The following TRAPPC8 variants were observed in gnomAD, a reference collection of about 807,000 sequenced individuals.
The protein encoded by TRAPPC8 is general sporulation gene 1 homolog.
A neutral mutation model predicts 174.3 loss-of-function variants in TRAPPC8; 54 were observed. That is an observed-to-expected ratio of 0.31 (90% confidence interval 0.25 to 0.39). The LOEUF (loss-of-function observed/expected upper bound fraction) is 0.39, where lower values mean the gene tolerates loss of function less well. Among genes scored for constraint, TRAPPC8 ranks in the 10% least tolerant of loss-of-function variants. The probability of loss-of-function intolerance (pLI) is 1.00; values close to 1 mark genes in which losing one functional copy is unlikely to be tolerated. For synonymous variants in TRAPPC8, 630 were observed against 579.9 expected (o/e 1.09, Z -1.24); for missense variants, 1,531 against 1,699.1 (o/e 0.90, Z 1.74).
intron 2 of TRAPPC8, among the ~76,000 whole-genome samples, chr18:31,923,513 G>A (rs1429612225): frequency 2.6e-5 from 4 of 152,128 alleles, no homozygotes; most frequent in Non-Finnish European, 4.4e-5. Flanking sequence ...TGAATGAAAA[G>A]TATGCTGACT....
chr18:31,876,489 C>CAAAAAAAGAAAAA (rs2035153771), intron 12 of TRAPPC8, among the ~76,000 whole-genome samples: 1 of 48,722 alleles, frequency 2.1e-5, no homozygotes, highest in Non-Finnish European at 3.6e-5. Context: ...GACTCCATCT[C>CAAAAAAAGAAAAA]AAAAAAAAAA....
intron 2 of TRAPPC8, among the ~76,000 whole-genome samples, chr18:31,918,552 CACAAG>C (rs557782770): frequency 1.8e-4 from 28 of 152,206 alleles, no homozygotes; most frequent in Non-Finnish European, 2.8e-4. Flanking sequence ...CAAAACATCT[CACAAG>C]ACAAGACAAG....
intron 3 of TRAPPC8, among the ~76,000 whole-genome samples, chr18:31,916,788 C>G (rs1431289748): frequency 6.6e-6 from 1 of 151,070 alleles, no homozygotes; most frequent in Non-Finnish European, 1.5e-5. Context: ...CCCGCCTCAG[C>G]CTCCCAAAGT....
chr18:31,877,265 CG>C (rs952415586), intron 12 of TRAPPC8, among the ~76,000 whole-genome samples: 15 of 152,148 alleles, frequency 9.9e-5, no homozygotes, highest in Non-Finnish European at 1.9e-4. Flanking sequence ...AGCTGGCAGA[CG>C]TGTCCTTGGG....
At chr18:31,909,379 C>T (rs1056903240) in intron 6 of TRAPPC8, among the ~76,000 whole-genome samples, 15 of 151,968 alleles carry the variant, frequency 9.9e-5, no homozygotes, top group Non-Finnish European at 2.1e-4. Context: ...ATAAAGCTCT[C>T]AAAATCATGT....
At chr18:31,942,558 C>T (rs2038393643) in intron 1 of TRAPPC8, 50 bp downstream of exon 1, 7 of 1,479,978 alleles carry the variant, frequency 4.7e-6, no homozygotes, top group Non-Finnish European at 6.3e-6. Context: ...CTTCCTTCTC[C>T]CGACCACGGC....
intron 24 of TRAPPC8, among the ~76,000 whole-genome samples, chr18:31,851,162 T>C (rs1322952955): frequency 6.6e-6 from 1 of 152,178 alleles, no homozygotes; most frequent in Non-Finnish European, 1.5e-5. Flanking sequence ...ATCCCACTAA[T>C]AGCACACAAT....
chr18:31,892,018 T>A (rs930809139), intron 11 of TRAPPC8, among the ~76,000 whole-genome samples: 1 of 152,212 alleles, frequency 6.6e-6, no homozygotes. Flanking sequence ...GTCAGAAATA[T>A]GTAATTAATG....
rs2036247550 is a variant in TRAPPC8, at chr18:31,897,886, A to G, written c.1496T>C (p.Met499Thr). The G allele has an allele frequency of 6.2e-7, 1 of 1,610,140 alleles. No homozygotes were observed. The highest frequency in any genetic ancestry group is 8.5e-7 in the Non-Finnish European group (1 of 1,177,894). ...IQTYRDICKNMVLAERCVLLS... is the reference protein window; with the variant it reads ...IQTYRDICKNTVLAERCVLLS... ...CAACACACATCTTTCAGCCAACACC[A>G]TATTCCTATAGAAAAAAGGACAAGA... Residue 499 changes from methionine to threonine, a missense_variant, in exon 11 of 29, where the codon ATG becomes ACG. Physicochemically the swap from Met to Thr is moderately conservative, Grantham distance 81. Transcript: ENST00000283351.
intron 2 of TRAPPC8, among the ~76,000 whole-genome samples, chr18:31,918,078 A>C (rs1405420984): frequency 1.3e-5 from 2 of 152,132 alleles, no homozygotes; most frequent in African/African-American, 4.8e-5. Flanking sequence ...GTGAGCTGAA[A>C]TCACACCACT....
At chr18:31,838,484 T>C (rs1386261411) in intron 27 of TRAPPC8, among the ~76,000 whole-genome samples, 4 of 152,184 alleles carry the variant, frequency 2.6e-5, no homozygotes, top group Non-Finnish European at 5.9e-5. Flanking sequence ...CAAACATGCC[T>C]ATATCGTACC....
chr18:31,863,172 A>T (rs2145147330), intron 19 of TRAPPC8, among the ~76,000 whole-genome samples: 1 of 152,238 alleles, frequency 6.6e-6, no homozygotes, highest in South Asian at 2.1e-4. Context: ...GTAAATAAAA[A>T]CATCATTTTT....
At chr18:31,935,548 T>TGAAAAA (rs745488703) in intron 1 of TRAPPC8, among the ~76,000 whole-genome samples, 748 of 46,248 alleles carry the variant, frequency 0.016, 145 homozygotes, top group Non-Finnish European at 0.022. Flanking sequence ...AACTCCATCT[T>TGAAAAA]AAAAAAAAAA....
chr18:31,882,998 G>A (rs368134713), intron 12 of TRAPPC8, among the ~76,000 whole-genome samples: 10 of 147,738 alleles, frequency 6.8e-5, no homozygotes, highest in African/African-American at 2.5e-4. Flanking sequence ...GCTGAGGTGG[G>A]TGGATCACGA....
In TRAPPC8 at chr18:31,830,915, T is replaced by C. The variant is rs745459882; in HGVS notation, c.4148A>G (p.Gln1383Arg). Reference protein sequence around the residue: ...QTQYKLQLKSQEIHSLQLKAC... With the variant: ...QTQYKLQLKSREIHSLQLKAC... ...TTTCAGCTGCAGACTGTGAATCTCC[T>C]GGCTTTTAAGTTGAAGTTTATACTG... The change falls in exon 29 of 29, where the codon CAG becomes CGG. Residue 1383 changes from glutamine to arginine, a missense_variant. Physicochemically the swap from Gln to Arg is conservative, Grantham distance 43. Transcript: ENST00000283351. 5.6e-6 allele frequency: 9 copies of C among 1,614,134 alleles called. No individual in the cohort carries two copies. The highest frequency in any genetic ancestry group is 1.7e-6 in the Non-Finnish European group (2 of 1,180,052).
intron 1 of TRAPPC8, among the ~76,000 whole-genome samples, chr18:31,936,630 A>AG (rs2038108929): frequency 6.6e-6 from 1 of 152,034 alleles, no homozygotes; most frequent in Admixed American, 6.6e-5. Flanking sequence ...GGCCAGACGC[A>AG]GTGGCTCATG....
Position 31,864,737 on chromosome 18 carries a change from C to T in TRAPPC8, c.2635G>A (p.Glu879Lys), listed in dbSNP as rs529800527. 5.3e-5 allele frequency: 85 copies of T among 1,612,122 alleles called. No homozygotes were observed. The highest frequency in any genetic ancestry group is 7.0e-5 in the Non-Finnish European group (83 of 1,179,194). ...SMSVRGKQDL[E>K]IQGPRLNNTK... is the part of the protein sequence containing the mutation. ...TTGTTAAGTCGAGGACCTTGAATTT[C>T]TAAATCCTGCTTCCCTCGGACTGAC... The change falls in exon 19 of 29, where the codon GAA becomes AAA. Residue 879 changes from glutamate to lysine, a missense_variant. Transcript: ENST00000283351.
intron 12 of TRAPPC8, among the ~76,000 whole-genome samples, chr18:31,882,862 A>T (rs1274175374): frequency 6.8e-6 from 1 of 146,976 alleles, no homozygotes; most frequent in East Asian, 2.2e-4. Context: ...TGGTCCACCC[A>T]CCTCAGCCAC....
chr18:31,889,583 A>G (rs1186524328), intron 12 of TRAPPC8, among the ~76,000 whole-genome samples: 1 of 152,068 alleles, frequency 6.6e-6, no homozygotes, highest in Non-Finnish European at 1.5e-5. Flanking sequence ...ACTTGCATTT[A>G]CTATTGAAGA....
Sources: allele counts gnomAD v4.1 joint callset (sites outside exome capture counted in the v4.1 genomes callset), GRCh38; gene constraint gnomAD v4.1.1; transcripts MANE v1.5; gene names NCBI Gene and HGNC (gene_info 2026-07-23, HGNC 2026-07-21).